The following PCOLCE2 variants were observed in gnomAD, a reference collection of about 807,000 sequenced individuals.
PCOLCE2 encodes procollagen C-endopeptidase enhancer 2.
A neutral mutation model predicts 47.0 loss-of-function variants in PCOLCE2; 42 were observed. That is an observed-to-expected ratio of 0.89 (90% CI 0.70 to 1.16). The LOEUF (loss-of-function observed/expected upper bound fraction) is 1.16. PCOLCE2 is among the 50% of genes most tolerant of loss of function. The pLI is 0.00. For synonymous variants in PCOLCE2, 169 were observed against 191.7 expected (o/e 0.88, Z 0.98); for missense variants, 500 against 526.1 (o/e 0.95, Z 0.49).
In PCOLCE2 at chr3:142,842,944, T is replaced by C. The variant is rs771952966; in HGVS notation, c.553A>G (p.Ile185Val). 6.2e-7 allele frequency: 1 copy of C among 1,614,068 alleles called. No individual in the cohort carries two copies. The highest frequency in any genetic ancestry group is 1.7e-5 in the Admixed American group (1 of 60,028). Residue 185 changes from isoleucine (I) to valine (V), a missense_variant, in exon 4 of 9, where the codon ATT (isoleucine) becomes GTT (valine). Transcript: ENST00000295992. This position sits in a 1 kb window ranked among gnomAD's most constrained non-coding sequence, Gnocchi z 4.1. ...YPAGVTCVWH[I>V]VAPKNQLIEL... ...CTCACCTGATTCTTTGGGGCTACAA[T>C]GTGCCACACACAAGTGACTCCTGCA...
chr3:142,884,958 T>C (rs1933691837), intron 2 of PCOLCE2, among the ~76,000 whole-genome samples: 1 of 152,236 alleles, frequency 6.6e-6, no homozygotes, highest in African/African-American at 2.4e-5. Flanking sequence ...ATGTTTAACT[T>C]AATTTACATT....
At chr3:142,840,941 G>A (rs1285756283) in intron 4 of PCOLCE2, among the ~76,000 whole-genome samples, 1 of 152,052 alleles carries the variant, frequency 6.6e-6, no homozygotes, top group East Asian at 1.9e-4. Flanking sequence ...CAGGCATGGT[G>A]GCGGGTTCCT....
intron 2 of PCOLCE2, among the ~76,000 whole-genome samples, chr3:142,856,371 T>C (rs6807866): frequency 0.61 from 92,694 of 151,992 alleles, 28,703 homozygotes; most frequent in Non-Finnish European, 0.66. Flanking sequence ...GGCTGGTCAG[T>C]TGGGGTGAGA....
chr3:142,887,624 G>A, intron 2 of PCOLCE2, 45 bp downstream of exon 2: 2 of 975,506 alleles, frequency 2.1e-6, no homozygotes, highest in Non-Finnish European at 3.3e-6. Context: ...TCACACTGTT[G>A]CCAACACCCA....
At chr3:142,882,589 A>ATTATTTTTTTTTTT (rs1188049251) in intron 2 of PCOLCE2, among the ~76,000 whole-genome samples, 1 of 151,640 alleles carries the variant, frequency 6.6e-6, no homozygotes, top group African/African-American at 2.4e-5. Flanking sequence ...TTATTATTAT[A>ATTATTTTTTTTTTT]CTTTAGAGAA....
chr3:142,821,152 G>T, intron 7 of PCOLCE2, 107 bp from the exon 8 acceptor site: 3 of 892,394 alleles, frequency 3.4e-6, no homozygotes, highest in Non-Finnish European at 5.1e-6. Flanking sequence ...ACATTTTAAT[G>T]TTAAAGAAAA....
chr3:142,858,489 C>T (rs1933113262), intron 2 of PCOLCE2, among the ~76,000 whole-genome samples: 1 of 152,202 alleles, frequency 6.6e-6, no homozygotes, highest in African/African-American at 2.4e-5. Flanking sequence ...CAGCAACATA[C>T]ACACACACAT....
intron 2 of PCOLCE2, 140 bp from the exon 3 acceptor site, chr3:142,848,612 G>T: frequency 1.4e-6 from 1 of 720,878 alleles, no homozygotes; most frequent in Non-Finnish European, 2.2e-6. Flanking sequence ...TAACCCAAGG[G>T]AAGTTTTCTA....
intron 2 of PCOLCE2, among the ~76,000 whole-genome samples, chr3:142,875,225 G>A (rs920657320): frequency 4.6e-5 from 7 of 152,116 alleles, no homozygotes; most frequent in Non-Finnish European, 8.8e-5. Flanking sequence ...TAAACAAGGC[G>A]TAAGTTGTAA....
intron 2 of PCOLCE2, among the ~76,000 whole-genome samples, chr3:142,858,347 A>G (rs1348405438): frequency 4.6e-5 from 7 of 152,244 alleles, no homozygotes; most frequent in Non-Finnish European, 1.0e-4. Flanking sequence ...ATGCAGGTGA[A>G]GATGGAGATG....
intron 3 of PCOLCE2, among the ~76,000 whole-genome samples, chr3:142,843,553 A>G (rs972354553): frequency 3.3e-5 from 5 of 151,578 alleles, no homozygotes; most frequent in Admixed American, 3.3e-4. Flanking sequence ...TAATATTTAC[A>G]AATTTTCAGC....
chr3:142,824,340 G>A (rs1454789391), intron 6 of PCOLCE2, among the ~76,000 whole-genome samples: 1 of 152,096 alleles, frequency 6.6e-6, no homozygotes, highest in African/African-American at 2.4e-5. Flanking sequence ...ATGCCGAGAC[G>A]CTGCTGACAT....
At position 142,888,927 on chromosome 3, in the gene PCOLCE2, A is replaced by C. The variant is rs1358571010; in HGVS notation, c.-31T>G. On this transcript the variant is annotated 5_prime_UTR_variant, in exon 1 of 9. Transcript: ENST00000295992. ...CGTAGACGCTCGGGGTTTGCACCCC[A>C]CGGCGCGCGCGCCGGCACACACGCC... The C allele has an allele frequency of 1.6e-6, 2 of 1,273,484 alleles. No homozygotes were observed. The highest frequency in any genetic ancestry group is 3.1e-5 in the African/African-American group (2 of 63,750). 78.9% of individuals were successfully genotyped at this position (1,273,484 alleles called of 1,614,324 possible). A position where few individuals can be genotyped will look rare whatever the true frequency, so the allele number is the denominator to read the frequency against.
At chr3:142,887,820 G>T in intron 1 of PCOLCE2, 43 bp from the exon 2 acceptor site, 1 of 1,079,604 alleles carries the variant, frequency 9.3e-7, no homozygotes, top group Non-Finnish European at 1.4e-6. Flanking sequence ...TTTGAAACAT[G>T]GTCTAACAAT....
At chr3:142,847,174 G>GT (rs1207535327) in intron 3 of PCOLCE2, among the ~76,000 whole-genome samples, 2 of 152,184 alleles carry the variant, frequency 1.3e-5, no homozygotes, top group Non-Finnish European at 2.9e-5. Flanking sequence ...TCTCTTTTCA[G>GT]TTCTTTCATT....
At chr3:142,847,723 G>A (rs1344223490) in intron 3 of PCOLCE2, among the ~76,000 whole-genome samples, 3 of 151,638 alleles carry the variant, frequency 2.0e-5, no homozygotes, top group Non-Finnish European at 4.4e-5. Context: ...TTTTTGTAGA[G>A]ATGGGGTTTC....
intron 3 of PCOLCE2, among the ~76,000 whole-genome samples, chr3:142,843,567 A>G (rs964280885): frequency 7.2e-5 from 11 of 151,770 alleles, no homozygotes; most frequent in South Asian, 4.1e-4. Flanking sequence ...TTTCAGCAAT[A>G]CAGAAAGGCA....
chr3:142,849,794 A>C lies in PCOLCE2; in HGVS notation c.193-1322T>G, dbSNP rs937462610. Among the ~76,000 whole-genome samples the C allele has an allele frequency of 3.3e-5, 5 of 152,338 alleles. No individual in the cohort carries two copies. The East Asian group carries it at 9.6e-4, about 29-fold the overall frequency. ...ACACACAATCAAAAGTGGTTGGTTT[A>C]TATTCATCTTAATTAACTATTTCAG... On this transcript the variant is annotated intron_variant, in intron 2 of 8. Coordinates refer to ENST00000295992, the MANE Select transcript of PCOLCE2 (RefSeq NM_013363.4).
intron 2 of PCOLCE2, among the ~76,000 whole-genome samples, chr3:142,854,125 G>A (rs546413270): frequency 6.6e-6 from 1 of 152,336 alleles, no homozygotes; most frequent in African/African-American, 2.4e-5. Context: ...CTGCAGAAAT[G>A]GGAATGCTCC....
Sources: allele counts gnomAD v4.1 joint callset (sites outside exome capture counted in the v4.1 genomes callset), GRCh38; gene constraint gnomAD v4.1.1; non-coding constraint Gnocchi (gnomAD v3.1); transcripts MANE v1.5; gene names NCBI Gene and HGNC (gene_info 2026-07-23, HGNC 2026-07-21).